ADAMTSL1: variants seen among roughly 807,000 people sequenced by gnomAD.
ADAMTSL1 encodes the protein ADAMTS-like protein 1.
ADAMTSL1 carries 126 observed loss-of-function variants against 201.8 expected under a neutral mutation model. The observed-to-expected ratio is 0.62, with a 90% confidence interval of 0.54 to 0.72. ADAMTSL1 has a LOEUF of 0.72. ADAMTSL1 is among the 30% of genes least tolerant of loss of function. ADAMTSL1 has a pLI of 0.00. For missense variants in ADAMTSL1, 2,679 were observed against 2,277.8 expected, an observed-to-expected ratio of 1.18 and a Z score of -3.59; for synonymous variants, 1,121 against 903.4, an observed-to-expected ratio of 1.24 and a Z score of -4.32.
Position 18,340,740 on chromosome 9 carries a change from C to T in ADAMTSL1, c.208-164089C>T, listed in dbSNP as rs144893503. ...AGGGGAGTTCCCCTGCACATGCTCT[C>T]TCTTGCCTGCTGCCATGTAAGATGT... is the stretch of plus-strand genomic sequence containing the variant. On this transcript the variant is annotated intron_variant, in intron 2 of 29. Coordinates refer to the ADAMTSL1 transcript ENST00000680146. Among the ~76,000 whole-genome samples, 176 of 152,282 alleles carry T rather than the reference C, an allele frequency of 1.2e-3. 1 individual carries two copies. The highest frequency in any genetic ancestry group is 4.0e-3 in the African/African-American group (168 of 41,576).
chr9:18,003,141 C>T (rs927173374), intron 1 of ADAMTSL1, among the ~76,000 whole-genome samples: 3 of 151,960 alleles, frequency 2.0e-5, no homozygotes, highest in Non-Finnish European at 4.4e-5. Flanking sequence ...GAGCCCTAAG[C>T]ACTGTGGTAG....
chr9:18,194,707 C>T (rs1337306241), intron 2 of ADAMTSL1, among the ~76,000 whole-genome samples: 3 of 152,040 alleles, frequency 2.0e-5, no homozygotes, highest in Admixed American at 2.0e-4. Context: ...ATTTGTAGAA[C>T]CCCAGTGCTG....
chr9:18,018,050 A>G (rs548506174), intron 1 of ADAMTSL1, among the ~76,000 whole-genome samples: 32 of 152,222 alleles, frequency 2.1e-4, no homozygotes, highest in African/African-American at 7.0e-4. Context: ...CTCTCATGCT[A>G]AGACTGGGTT....
chr9:18,413,370 G>C (rs1415828485), intron 2 of ADAMTSL1, among the ~76,000 whole-genome samples: 1 of 151,970 alleles, frequency 6.6e-6, no homozygotes, highest in African/African-American at 2.4e-5. Context: ...TCACCATGTT[G>C]GCCAGGCTGG....
intron 23 of ADAMTSL1, among the ~76,000 whole-genome samples, chr9:18,878,714 C>T (rs1326191754): frequency 6.6e-6 from 1 of 152,196 alleles, no homozygotes; most frequent in African/African-American, 2.4e-5. Context: ...CTGGTATGTT[C>T]CTGTGGTAGT....
intron 1 of ADAMTSL1, among the ~76,000 whole-genome samples, chr9:18,031,691 C>G (rs141089042): frequency 3.3e-5 from 5 of 152,170 alleles, no homozygotes; most frequent in African/African-American, 1.2e-4. Flanking sequence ...CTTTTCCAAT[C>G]GTTGGCATTG....
chr9:18,695,713 C>T (rs1484022669), intron 13 of ADAMTSL1, among the ~76,000 whole-genome samples: 1 of 152,212 alleles, frequency 6.6e-6, no homozygotes, highest in Non-Finnish European at 1.5e-5. Flanking sequence ...CCCTGATCTT[C>T]CTGCCTTCTC....
At chr9:18,763,848 C>T (rs888615913) in intron 16 of ADAMTSL1, among the ~76,000 whole-genome samples, 1 of 152,120 alleles carries the variant, frequency 6.6e-6, no homozygotes, top group African/African-American at 2.4e-5. Flanking sequence ...GTCTATATGT[C>T]TGTTTTCATG....
At chr9:18,816,808 G>C (rs913565220) in intron 20 of ADAMTSL1, among the ~76,000 whole-genome samples, 17 of 120,304 alleles carry the variant, frequency 1.4e-4, no homozygotes, top group Non-Finnish European at 2.2e-4. Context: ...AATAATAGTT[G>C]TGCATATTCA....
At chr9:18,446,312 A>G (rs956712211) in intron 2 of ADAMTSL1, among the ~76,000 whole-genome samples, 11 of 152,228 alleles carry the variant, frequency 7.2e-5, no homozygotes, top group Non-Finnish European at 8.8e-5. Context: ...AAAAATGTTG[A>G]CATAAATATT....
intron 2 of ADAMTSL1, among the ~76,000 whole-genome samples, chr9:18,396,495 C>T (rs1587068768): frequency 6.8e-6 from 1 of 147,188 alleles, no homozygotes; most frequent in Non-Finnish European, 1.5e-5. Flanking sequence ...AAATATTAAA[C>T]TTTAATGAGT....
intron 2 of ADAMTSL1, among the ~76,000 whole-genome samples, chr9:18,360,323 A>G (rs769325691): frequency 6.6e-6 from 1 of 152,210 alleles, no homozygotes; most frequent in Non-Finnish European, 1.5e-5. Flanking sequence ...GAAGGGAAAC[A>G]GACAACCTAG....
chr9:18,704,920 G>T (rs774277390), intron 13 of ADAMTSL1, among the ~76,000 whole-genome samples: 2 of 152,198 alleles, frequency 1.3e-5, no homozygotes, highest in Non-Finnish European at 2.9e-5. Flanking sequence ...GGGGACCTTT[G>T]TTCTCTCCTA....
chr9:18,293,543 G>A (rs1037422234), intron 2 of ADAMTSL1, among the ~76,000 whole-genome samples: 3 of 152,174 alleles, frequency 2.0e-5, no homozygotes, highest in Admixed American at 6.5e-5. Flanking sequence ...GGAGAATACC[G>A]AAAGGTATGC....
At chr9:18,442,690 G>A (rs763778294) in intron 2 of ADAMTSL1, among the ~76,000 whole-genome samples, 3 of 152,196 alleles carry the variant, frequency 2.0e-5, no homozygotes, top group Non-Finnish European at 2.9e-5. Context: ...ACCTTTAGCT[G>A]CTATGATAAG....
At chr9:18,046,173 A>G (rs181253627) in intron 1 of ADAMTSL1, among the ~76,000 whole-genome samples, 1 of 152,316 alleles carries the variant, frequency 6.6e-6, no homozygotes, top group East Asian at 1.9e-4. Context: ...GGAAATTATG[A>G]GTAAAAAGTA....
chr9:18,447,436 A>G (rs1456376132), intron 2 of ADAMTSL1, among the ~76,000 whole-genome samples: 1 of 152,156 alleles, frequency 6.6e-6, no homozygotes, highest in Non-Finnish European at 1.5e-5. Flanking sequence ...TCATTGAAAT[A>G]ATGGGGAAAA....
chr9:18,080,781 G>A (rs1173438222), intron 1 of ADAMTSL1, among the ~76,000 whole-genome samples: 1 of 152,130 alleles, frequency 6.6e-6, no homozygotes, highest in Non-Finnish European at 1.5e-5. Context: ...TAGATTTTCT[G>A]GTTCTAAGTC....
At chr9:18,650,033 G>C (rs1380790859) in intron 7 of ADAMTSL1, among the ~76,000 whole-genome samples, 1 of 152,230 alleles carries the variant, frequency 6.6e-6, no homozygotes, top group Admixed American at 6.5e-5. Flanking sequence ...TTGAGCTGTG[G>C]TGGGCTCCAC....
Sources: gnomAD v4.1 joint callset for allele counts (sites outside exome capture counted in the v4.1 genomes callset) on GRCh38, gnomAD v4.1.1 for gene constraint, MANE v1.5 for transcripts, NCBI Gene and HGNC (gene_info 2026-07-23, HGNC 2026-07-21) for gene names.